CDK14: variants seen among roughly 807,000 people sequenced by gnomAD.
The protein encoded by CDK14 is cyclin-dependent kinase 14.
CDK14 carries 34 observed loss-of-function variants against 60.7 expected under a neutral mutation model. The observed-to-expected ratio is 0.56, with a 90% CI of 0.43 to 0.75. The LOEUF is 0.75. Ranked by LOEUF, CDK14 falls within the 30% of genes least tolerant of loss-of-function variation. The pLI is 0.00. For missense variants in CDK14, 482 were observed against 564.1 expected (o/e 0.85, Z 1.47); for synonymous variants, 197 against 203.7 (o/e 0.97, Z 0.28).
intron 14 of CDK14, among the ~76,000 whole-genome samples, chr7:91,187,043 A>T (rs1028847633): frequency 6.6e-6 from 1 of 152,254 alleles, no homozygotes; most frequent in African/African-American, 2.4e-5. Flanking sequence ...TTAAATTATT[A>T]AAAACAGTAC....
intron 14 of CDK14, among the ~76,000 whole-genome samples, chr7:91,140,682 T>G (rs1202141751): frequency 6.6e-6 from 1 of 152,172 alleles, no homozygotes; most frequent in African/African-American, 2.4e-5. Flanking sequence ...TTAGCCTCAG[T>G]TTTTCCATCT....
chr7:91,035,854 T>TG (rs1796913512), intron 10 of CDK14, among the ~76,000 whole-genome samples: 1 of 147,508 alleles, frequency 6.8e-6, no homozygotes, highest in African/African-American at 2.5e-5. Flanking sequence ...TTTTTTTTTT[T>TG]GAGACGGAGT....
chr7:90,736,195 T>C (rs889499940), intron 3 of CDK14, among the ~76,000 whole-genome samples: 3 of 151,964 alleles, frequency 2.0e-5, no homozygotes, highest in African/African-American at 7.2e-5. Context: ...GGTACCTCAG[T>C]TGGAAGTGTA....
intron 8 of CDK14, among the ~76,000 whole-genome samples, chr7:90,942,223 C>G (rs1177249732): frequency 6.6e-6 from 1 of 152,082 alleles, no homozygotes; most frequent in Non-Finnish European, 1.5e-5. Context: ...GGCTTGCTAC[C>G]TGGAATTCAG....
intron 8 of CDK14, among the ~76,000 whole-genome samples, chr7:90,922,462 A>G (rs188288841): frequency 8.2e-4 from 125 of 152,260 alleles, no homozygotes; most frequent in Middle Eastern, 6.8e-3. Flanking sequence ...AATGTCATTA[A>G]AACTCTGAAT....
chr7:90,656,799 G>T (rs1305172764), intron 2 of CDK14, among the ~76,000 whole-genome samples: 2 of 152,132 alleles, frequency 1.3e-5, no homozygotes, highest in Admixed American at 6.5e-5. Context: ...ATAAACATGA[G>T]AAACAACTTT....
chr7:91,144,695 C>A (rs970213574), intron 14 of CDK14, among the ~76,000 whole-genome samples: 4 of 152,120 alleles, frequency 2.6e-5, no homozygotes, highest in Non-Finnish European at 5.9e-5. Flanking sequence ...AAAATACCAA[C>A]AATTTTGGCC....
At chr7:90,729,158 A>C (rs1040356060) in intron 3 of CDK14, among the ~76,000 whole-genome samples, 1 of 151,746 alleles carries the variant, frequency 6.6e-6, no homozygotes, top group African/African-American at 2.4e-5. Flanking sequence ...GGGACTAGGA[A>C]GGGATAGGGG....
At chr7:90,649,879 G>A (rs1800590978) in intron 2 of CDK14, among the ~76,000 whole-genome samples, 1 of 152,118 alleles carries the variant, frequency 6.6e-6, no homozygotes, top group Non-Finnish European at 1.5e-5. Flanking sequence ...ATTTGGGTTG[G>A]TTCCAAGTCT....
Position 90,659,869 on chromosome 7 carries a change from CTCTCTCTGTG to C in CDK14, c.123+55622_123+55631del, listed in dbSNP as rs1170928913. ...TCTCTCTCTCTCTCTCTCTCTCTCT[CTCTCTCTGTG>C]TGTGTGTGTGTGTGTGTGTGTGCAC... On this transcript the variant is annotated intron_variant, in intron 2 of 14. Coordinates refer to ENST00000380050, the MANE Select transcript of CDK14 (RefSeq NM_001287135.2). Among the ~76,000 whole-genome samples the C allele has an allele frequency of 2.0e-3, 292 of 145,840 alleles. 2 individuals carry two copies. Among genetic ancestry groups the C allele is most frequent in the African/African-American group, 2.7e-3 (106 of 38,712 alleles).
intron 5 of CDK14, among the ~76,000 whole-genome samples, chr7:90,791,934 GCT>G (rs1434406235): frequency 4.4e-5 from 6 of 135,868 alleles, no homozygotes; most frequent in Non-Finnish European, 9.2e-5. Context: ...ACAGAATCTT[GCT>G]CTGTCACCCA....
intron 11 of CDK14, among the ~76,000 whole-genome samples, chr7:91,053,863 G>A (rs1398370542): frequency 6.6e-6 from 1 of 152,142 alleles, no homozygotes; most frequent in African/African-American, 2.4e-5. Context: ...GCAGTGAGGG[G>A]AGGCCTGTGA....
At chr7:91,075,689 C>T (rs1441651315) in intron 11 of CDK14, among the ~76,000 whole-genome samples, 1 of 152,172 alleles carries the variant, frequency 6.6e-6, no homozygotes, top group Non-Finnish European at 1.5e-5. Context: ...CCTCTGTTTG[C>T]AGATGTCATG....
chr7:90,647,839 G>A (rs768505454), intron 2 of CDK14, among the ~76,000 whole-genome samples: 1 of 152,090 alleles, frequency 6.6e-6, no homozygotes, highest in East Asian at 1.9e-4. Context: ...CTGGACAACA[G>A]AGTGAGATCC....
At chr7:91,075,221 G>C (rs368116023) in intron 11 of CDK14, among the ~76,000 whole-genome samples, 2 of 152,118 alleles carry the variant, frequency 1.3e-5, no homozygotes, top group African/African-American at 4.8e-5. Flanking sequence ...TCCTTGATGA[G>C]CATTGAAACA....
At chr7:90,755,418 A>G (rs190466861) in intron 4 of CDK14, among the ~76,000 whole-genome samples, 7 of 152,280 alleles carry the variant, frequency 4.6e-5, no homozygotes, top group Non-Finnish European at 8.8e-5. Context: ...AGCATTGGGT[A>G]CACTTGGACA....
intron 8 of CDK14, among the ~76,000 whole-genome samples, chr7:90,941,336 G>A (rs938479920): frequency 1.3e-5 from 2 of 152,150 alleles, no homozygotes; most frequent in East Asian, 1.9e-4. Context: ...GTCTCAAAAC[G>A]TGAGCATCTG....
chr7:90,756,881 T>A (rs1804082583), intron 4 of CDK14, among the ~76,000 whole-genome samples: 1 of 152,228 alleles, frequency 6.6e-6, no homozygotes, highest in African/African-American at 2.4e-5. Context: ...TACTTGTGAT[T>A]TTCAGTTTGT....
chr7:90,702,599 T>A (rs2116618594), intron 2 of CDK14, among the ~76,000 whole-genome samples: 1 of 152,128 alleles, frequency 6.6e-6, no homozygotes, highest in South Asian at 2.1e-4. Context: ...CATTTTAATT[T>A]CAGTTTTTAA....
Sources: allele counts gnomAD v4.1 joint callset (sites outside exome capture counted in the v4.1 genomes callset), GRCh38; gene constraint gnomAD v4.1.1; transcripts MANE v1.5; gene names NCBI Gene and HGNC (gene_info 2026-07-23, HGNC 2026-07-21).